The following ANK2 variants were observed in gnomAD, a reference collection of about 807,000 sequenced individuals.
ANK2 encodes the protein ankyrin 2, also known as ankyrin-2.
In ANK2, 83 loss-of-function variants were observed where a neutral mutation model predicts 360.5. That is an observed-to-expected ratio of 0.23 (90% CI 0.19 to 0.28). The LOEUF is 0.28. Among genes scored for constraint, ANK2 ranks in the 10% least tolerant of loss-of-function variants. ANK2 has a pLI of 1.00. For missense variants in ANK2, 4,201 were observed against 4,795.7 expected (o/e 0.88, Z 3.66); for synonymous variants, 1,740 against 1,759.5 (o/e 0.99, Z 0.28).
intron 23 of ANK2, among the ~76,000 whole-genome samples, chr4:113,307,721 A>T (rs1390040181): frequency 6.6e-6 from 1 of 152,130 alleles, no homozygotes; most frequent in Non-Finnish European, 1.5e-5. Context: ...ACTTTAAGTT[A>T]TTCCCATGCT....
chr4:112,800,450 A>T, the ANK2 span, among the ~76,000 whole-genome samples: 1 of 152,200 alleles, frequency 6.6e-6, no homozygotes, highest in South Asian at 2.1e-4. Context: ...AATTTACTTC[A>T]TATGATTCAG....
the ANK2 span, among the ~76,000 whole-genome samples, chr4:112,760,511 T>C: frequency 2.0e-5 from 3 of 151,742 alleles, no homozygotes; most frequent in East Asian, 3.8e-4. Flanking sequence ...CTTTTTTTTT[T>C]CTTCATTGTA....
the ANK2 span, among the ~76,000 whole-genome samples, chr4:112,773,986 A>C: frequency 6.6e-6 from 1 of 151,656 alleles, no homozygotes; most frequent in African/African-American, 2.4e-5. Flanking sequence ...TTTTTAGTAG[A>C]GATGGGGTTT....
chr4:113,164,985 G>C (rs1307732847), intron 1 of ANK2, among the ~76,000 whole-genome samples: 1 of 152,130 alleles, frequency 6.6e-6, no homozygotes, highest in African/African-American at 2.4e-5. Flanking sequence ...GTTGTTATAG[G>C]TGGTTGTAAT....
At position 113,335,945 on chromosome 4, in the gene ANK2, A is replaced by G; in HGVS notation, c.3479A>G (p.Asp1160Gly). The change falls in exon 30 of 46, where the codon GAC becomes GGC. Residue 1160 changes from aspartate (D) to glycine (G), a missense_variant. By Grantham distance (94) the Asp-to-Gly change is moderately conservative. Transcript: ENST00000357077. ...YFAVVSRIKQ[D>G]SNLIGPEGGV... is the part of the protein sequence containing the mutation. The stretch of plus-strand genomic sequence containing the variant: ...GCAGTGGTGTCTCGTATCAAACAGG[A>G]CAGCAATCTGATTGGCCCAGAAGGA... The G allele has an allele frequency of 1.2e-6, 2 of 1,614,160 alleles. No individual in the cohort carries two copies. Among genetic ancestry groups the G allele is most frequent in the African/African-American group, 1.3e-5 (1 of 75,024 alleles).
At chr4:112,771,947 G>A in the ANK2 span, among the ~76,000 whole-genome samples, 1 of 152,266 alleles carries the variant, frequency 6.6e-6, no homozygotes, top group South Asian at 2.1e-4. Flanking sequence ...TGTGTCTTCA[G>A]AGATAAGGAA....
chr4:113,146,123 G>A (rs758892591), intron 1 of ANK2: 8 of 1,096,506 alleles, frequency 7.3e-6, no homozygotes, highest in Middle Eastern at 5.9e-4. Context: ...AAGCCAATGT[G>A]ATCAAACCAC....
chr4:113,266,100 C>G (rs180710522), intron 14 of ANK2, among the ~76,000 whole-genome samples: 14 of 152,280 alleles, frequency 9.2e-5, no homozygotes, highest in African/African-American at 2.9e-4. Context: ...AATGCTATTT[C>G]TCCCCTAGCC....
intron 2 of ANK2, among the ~76,000 whole-genome samples, chr4:112,922,461 T>C (rs2091765186): frequency 6.6e-6 from 1 of 152,228 alleles, no homozygotes; most frequent in Non-Finnish European, 1.5e-5. Flanking sequence ...GGCTGAATGT[T>C]GAGAAACTTT....
intron 2 of ANK2, among the ~76,000 whole-genome samples, chr4:113,028,005 T>A (rs765675654): frequency 2.6e-5 from 4 of 152,156 alleles, no homozygotes; most frequent in Non-Finnish European, 5.9e-5. Context: ...CAAATATTCT[T>A]CTACTCTGGT....
chr4:113,183,516 TA>T (rs1387897413), intron 2 of ANK2, among the ~76,000 whole-genome samples: 3 of 151,994 alleles, frequency 2.0e-5, no homozygotes, highest in African/African-American at 7.3e-5. Flanking sequence ...AGGTAATGAA[TA>T]AAATAACGAT....
At chr4:113,279,281 A>G (rs1020103399) in intron 17 of ANK2, among the ~76,000 whole-genome samples, 2 of 152,194 alleles carry the variant, frequency 1.3e-5, no homozygotes, top group African/African-American at 4.8e-5. Context: ...TAATGGGAAA[A>G]TATTTATGCT....
intron 43 of ANK2, among the ~76,000 whole-genome samples, chr4:113,371,733 T>G (rs2096745314): frequency 6.6e-6 from 1 of 152,234 alleles, no homozygotes. Flanking sequence ...ATTTAAAATA[T>G]AATTTGGTTT....
At chr4:112,765,600 G>T in the ANK2 span, among the ~76,000 whole-genome samples, 1 of 150,190 alleles carries the variant, frequency 6.7e-6, no homozygotes, top group Admixed American at 6.6e-5. Flanking sequence ...ACCCTTGCTT[G>T]CCTTTTACCT....
At chr4:113,022,554 T>C (rs923145777) in intron 2 of ANK2, among the ~76,000 whole-genome samples, 12 of 152,222 alleles carry the variant, frequency 7.9e-5, no homozygotes, top group Admixed American at 1.3e-4. Flanking sequence ...CATGGAATTT[T>C]AGGGTATCGT....
intron 1 of ANK2, among the ~76,000 whole-genome samples, chr4:113,118,355 G>A (rs968352380): frequency 6.6e-6 from 1 of 152,130 alleles, no homozygotes; most frequent in Admixed American, 6.5e-5. Flanking sequence ...CTGGGATTAG[G>A]GATGCAATGG....
chr4:113,289,493 G>GGGATTACA (rs1246274796), intron 20 of ANK2, among the ~76,000 whole-genome samples: 5 of 152,102 alleles, frequency 3.3e-5, no homozygotes, highest in South Asian at 2.1e-4. Flanking sequence ...TTACAAGTGT[G>GGGATTACA]AGCCACCAAG....
chr4:112,785,443 G>A, the ANK2 span, among the ~76,000 whole-genome samples: 4 of 146,662 alleles, frequency 2.7e-5, no homozygotes, highest in South Asian at 2.2e-4. Flanking sequence ...GCATGATCTC[G>A]GCTGACTGCA....
intron 2 of ANK2, among the ~76,000 whole-genome samples, chr4:112,944,352 T>C (rs1171070077): frequency 1.3e-5 from 2 of 152,336 alleles, no homozygotes; most frequent in South Asian, 4.1e-4. Context: ...TTGACAGAAC[T>C]GCCTAACACA....
Sources: gnomAD v4.1 joint callset for allele counts (sites outside exome capture counted in the v4.1 genomes callset) on GRCh38, gnomAD v4.1.1 for gene constraint, MANE v1.5 for transcripts, NCBI Gene and HGNC (gene_info 2026-07-23, HGNC 2026-07-21) for gene names.